ATXN10: variants seen among roughly 807,000 people sequenced by gnomAD.
ATXN10 encodes the protein ataxin 10.
A neutral mutation model predicts 52.9 loss-of-function variants in ATXN10; 28 were observed. That is an observed-to-expected ratio of 0.53 (90% CI 0.39 to 0.73). The LOEUF is 0.73. ATXN10 is among the 30% of genes least tolerant of loss of function. ATXN10 has a pLI of 0.00. For synonymous variants in ATXN10, 226 were observed against 221.5 expected (o/e 1.02, Z -0.18); for missense variants, 565 against 577.0 (o/e 0.98, Z 0.21).
At chr22:45,747,502 TA>T (rs1008052583) in intron 9 of ATXN10, among the ~76,000 whole-genome samples, 2 of 150,896 alleles carry the variant, frequency 1.3e-5, no homozygotes, top group African/African-American at 2.4e-5. Flanking sequence ...AGACCCTGTT[TA>T]AAAAAAAAGA....
rs1215853183 is a variant in ATXN10 at position 45,720,635 on chromosome 22, G to T, written c.728+2142G>T. On this transcript the variant is annotated intron_variant, in intron 6 of 11. Coordinates refer to ENST00000252934, the MANE Select transcript of ATXN10 (RefSeq NM_013236.4). ...ACCCATTAACAATAAACTACAATGA[G>T]GTACCACTTGATACCCATTAGGATG... Among the ~76,000 whole-genome samples, 3 of 152,226 alleles carry T rather than the reference G, an allele frequency of 2.0e-5. No homozygotes were observed. In the East Asian group the frequency reaches 5.8e-4, roughly 29 times the overall value.
At position 45,826,006 on chromosome 22, in the gene ATXN10, G is replaced by A. The variant is rs1982712135; in HGVS notation, c.1238-16985G>A. Reference sequence around the variant, plus strand: ...GAGCCCAGGAGGTGGAGGTTGCAATGAGCTGAGATTGTGCCACTGTGCTGT... The same window carrying A: ...GAGCCCAGGAGGTGGAGGTTGCAATAAGCTGAGATTGTGCCACTGTGCTGT... On this transcript the variant is annotated intron_variant, in intron 10 of 11. Transcript: ENST00000252934. This position sits in a 1 kb window ranked among gnomAD's most constrained non-coding sequence, Gnocchi z 5.0. 6.6e-6 allele frequency among the ~76,000 whole-genome samples: 1 copy of A among 152,148 alleles called. No individual in the cohort carries two copies. The highest frequency in any genetic ancestry group is 2.4e-5 in the African/African-American group (1 of 41,426).
rs1925111916 is a variant in ATXN10, at chr22:45,732,148, A to C, written c.894+2558A>C. ...TCTAAGATGGGAAGTATTTTTATAT[A>C]TTAATGGAATGGAAAGTTGTAGACT... On this transcript the variant is annotated intron_variant, in intron 7 of 11. Transcript: ENST00000252934. This position sits in a 1 kb window ranked among gnomAD's most constrained non-coding sequence, Gnocchi z 4.5. 6.6e-6 allele frequency among the ~76,000 whole-genome samples: 1 copy of C among 152,164 alleles called. No individual in the cohort carries two copies. The highest frequency in any genetic ancestry group is 1.5e-5 in the Non-Finnish European group (1 of 68,018).
chr22:45,702,671 C>T lies in ATXN10; in HGVS notation c.489-18C>T. The T allele has an allele frequency of 6.2e-7, 1 of 1,613,502 alleles. No individual in the cohort carries two copies. Among genetic ancestry groups the T allele is most frequent in the South Asian group, 1.1e-5 (1 of 91,036 alleles). ...TGTTACTAAATTGGGCTAACAATCT[C>T]ATTTCCTTGTTTGGAAGGTCTTGCT... is the stretch of plus-strand genomic sequence containing the variant. On this transcript the variant is annotated intron_variant, in intron 4 of 11. Transcript: ENST00000252934.
Position 45,718,565 on chromosome 22 carries a change from A to C in ATXN10, c.728+72A>C. The C allele has an allele frequency of 7.6e-7, 1 of 1,322,154 alleles. No individual in the cohort carries two copies. The highest frequency in any genetic ancestry group is 1.1e-6 in the Non-Finnish European group (1 of 914,434). The allele number at this position is 1,322,154 out of a possible 1,614,324, so 81.9% of individuals were successfully genotyped here. On this transcript the variant is annotated intron_variant, in intron 6 of 11. Transcript: ENST00000252934. This position sits in a 1 kb window ranked among gnomAD's most constrained non-coding sequence, Gnocchi z 4.4. Reference sequence around the variant, plus strand: ...GGGTATTCGATGCACGTGACTGAAAAGCTGTGTGGTTTCTGAGTTGGCACA... The same window carrying C: ...GGGTATTCGATGCACGTGACTGAAACGCTGTGTGGTTTCTGAGTTGGCACA...
Position 45,681,354 on chromosome 22 carries a change from C to T in ATXN10, c.117-8358C>T, listed in dbSNP as rs560828760. On this transcript the variant is annotated intron_variant, in intron 1 of 11. Coordinates refer to ENST00000252934, the MANE Select transcript of ATXN10 (RefSeq NM_013236.4). The surrounding 1 kb of genome is among the most constrained non-coding windows in gnomAD (Gnocchi z 4.2). ...CTGTAGCTGCCTTCCCCCACAATCT[C>T]GAGTCCCAATCCCTGTTTTATCTTC... Among the ~76,000 whole-genome samples the T allele has an allele frequency of 2.6e-5, 4 of 152,238 alleles. No homozygotes were observed. The South Asian group carries it at 6.2e-4, about 24-fold the overall frequency.
At chr22:45,771,012 C>A (rs894462348) in intron 9 of ATXN10, among the ~76,000 whole-genome samples, 2 of 152,182 alleles carry the variant, frequency 1.3e-5, no homozygotes, top group African/African-American at 4.8e-5. Flanking sequence ...CCCTCCAATG[C>A]AAAATGGTAC....
chr22:45,800,924 G>A (rs547527977), intron 9 of ATXN10, among the ~76,000 whole-genome samples: 18 of 152,236 alleles, frequency 1.2e-4, no homozygotes, highest in African/African-American at 1.9e-4. Flanking sequence ...GCAGAGCTGC[G>A]CAAGGAGCTT....
rs1929433494 is a variant in ATXN10, at chr22:45,844,037, G to C, written c.*366G>C. 3.8e-6 allele frequency: 1 copy of C among 262,256 alleles called. No homozygotes were observed. The highest frequency in any genetic ancestry group is 1.3e-3 in the Middle Eastern group (1 of 748). 16.2% of individuals were successfully genotyped at this position (262,256 alleles called of 1,614,324 possible). Reference sequence around the variant, plus strand: ...GTTTGTCCCTTCAGATGGCAAGTCAGCATCATTCTTTATATTCCTCTTCTC... The same window carrying C: ...GTTTGTCCCTTCAGATGGCAAGTCACCATCATTCTTTATATTCCTCTTCTC... On this transcript the variant is annotated 3_prime_UTR_variant, in exon 12 of 12. Transcript: ENST00000252934.
In ATXN10 at chr22:45,701,436, C is replaced by T. The variant is rs574330462; in HGVS notation, c.488+1058C>T. On this transcript the variant is annotated intron_variant, in intron 4 of 11. Coordinates refer to ENST00000252934, the MANE Select transcript of ATXN10 (RefSeq NM_013236.4). This position sits in a 1 kb window ranked among gnomAD's most constrained non-coding sequence, Gnocchi z 4.2. Reference sequence around the variant, plus strand: ...TCCTGGGCTCCTCTGTGAAGTATAGCGTTAAGATGGGATAAACTCTAATTC... The same window carrying T: ...TCCTGGGCTCCTCTGTGAAGTATAGTGTTAAGATGGGATAAACTCTAATTC... Among the ~76,000 whole-genome samples, 1 of 152,146 alleles carries T rather than the reference C, an allele frequency of 6.6e-6. No individual in the cohort carries two copies. The highest frequency in any genetic ancestry group is 1.9e-4 in the East Asian group (1 of 5,186).
intron 9 of ATXN10, among the ~76,000 whole-genome samples, chr22:45,742,289 C>T (rs1925566234): frequency 2.0e-5 from 3 of 152,044 alleles, no homozygotes; most frequent in South Asian, 2.1e-4. Flanking sequence ...AATTGCTTGA[C>T]GTTCAGGAAA....
chr22:45,723,041 T>G (rs952799663), intron 6 of ATXN10, among the ~76,000 whole-genome samples: 1 of 152,142 alleles, frequency 6.6e-6, no homozygotes, highest in Non-Finnish European at 1.5e-5. Context: ...TGTTACATTA[T>G]GTAATCCAAT....
At chr22:45,745,264 T>A (rs1204955430) in intron 9 of ATXN10, among the ~76,000 whole-genome samples, 3 of 152,238 alleles carry the variant, frequency 2.0e-5, no homozygotes, top group African/African-American at 7.2e-5. Flanking sequence ...TGAATCTTTA[T>A]TAGAAGAAAA....
In ATXN10 at chr22:45,787,420, G is replaced by A. The variant is rs371103912; in HGVS notation, c.1174-19539G>A. ...GCCTCCTGGCCCCTTTTCCCTCAAG[G>A]CACTAGGGAGACAGGAGGGCCCAGG... On this transcript the variant is annotated intron_variant, in intron 9 of 11. Coordinates refer to ENST00000252934, the MANE Select transcript of ATXN10 (RefSeq NM_013236.4). The surrounding 1 kb of genome is among the most constrained non-coding windows in gnomAD (Gnocchi z 4.2). Among the ~76,000 whole-genome samples the A allele has an allele frequency of 9.7e-4, 147 of 152,262 alleles. No homozygotes were observed. The highest frequency in any genetic ancestry group is 3.3e-3 in the African/African-American group (139 of 41,552).
Position 45,750,919 on chromosome 22 carries a change from T to C in ATXN10, c.1173+10381T>C, listed in dbSNP as rs973255065. Among the ~76,000 whole-genome samples the C allele has an allele frequency of 7.0e-6, 1 of 142,048 alleles. No homozygotes were observed. The highest frequency in any genetic ancestry group is 1.5e-5 in the Non-Finnish European group (1 of 64,920). The allele number at this position is 142,048 out of a possible 152,430, so 93.2% of individuals were successfully genotyped here. A position where few individuals can be genotyped will look rare whatever the true frequency, so the allele number is the denominator to read the frequency against. ...CGTTCATTAGTGATTGTAGTAATTCTTTCTTTCTTCTACTTTCCTGTTTTT... is the reference window on the plus strand; with the variant it reads ...CGTTCATTAGTGATTGTAGTAATTCCTTCTTTCTTCTACTTTCCTGTTTTT... On this transcript the variant is annotated intron_variant, in intron 9 of 11. Coordinates refer to ENST00000252934, the MANE Select transcript of ATXN10 (RefSeq NM_013236.4). This position sits in a 1 kb window ranked among gnomAD's most constrained non-coding sequence, Gnocchi z 4.2.
At chr22:45,743,034 A>G (rs1245740615) in intron 9 of ATXN10, among the ~76,000 whole-genome samples, 1 of 152,250 alleles carries the variant, frequency 6.6e-6, no homozygotes, top group African/African-American at 2.4e-5. Flanking sequence ...GGCTTGCGAA[A>G]TAACTCACTG....
chr22:45,773,001 C>CT (rs1926827654), intron 9 of ATXN10, among the ~76,000 whole-genome samples: 1 of 152,146 alleles, frequency 6.6e-6, no homozygotes, highest in South Asian at 2.1e-4. Context: ...TTTTTAAAGT[C>CT]TTTTTCCCCC....
At chr22:45,812,660 A>G (rs1476990156) in intron 10 of ATXN10, among the ~76,000 whole-genome samples, 1 of 152,192 alleles carries the variant, frequency 6.6e-6, no homozygotes, top group Admixed American at 6.5e-5. Context: ...TTAAAAAGCA[A>G]TAGATATTTT....
At chr22:45,761,699 T>C (rs1926397611) in intron 9 of ATXN10, among the ~76,000 whole-genome samples, 1 of 152,230 alleles carries the variant, frequency 6.6e-6, no homozygotes, top group South Asian at 2.1e-4. Context: ...CAGTTTTTGC[T>C]TAGTCCTTGT....
Sources: allele counts gnomAD v4.1 joint callset (sites outside exome capture counted in the v4.1 genomes callset), GRCh38; gene constraint gnomAD v4.1.1; non-coding constraint Gnocchi (gnomAD v3.1); transcripts MANE v1.5; gene names NCBI Gene and HGNC (gene_info 2026-07-23, HGNC 2026-07-21).